Variants in TUSC3 observed in about 807,000 individuals in gnomAD.
TUSC3 encodes the protein dolichyl-diphosphooligosaccharide--protein glycosyltransferase subunit TUSC3.
In TUSC3, 45 loss-of-function variants were observed where a neutral mutation model predicts 44.8. The observed-to-expected ratio is 1.00, with a 90% CI of 0.79 to 1.29. The LOEUF (loss-of-function observed/expected upper bound fraction) is 1.29, where lower values mean the gene tolerates loss of function less well. TUSC3 is among the 50% of genes most tolerant of loss of function. The pLI is 0.00. For missense variants in TUSC3, 519 were observed against 437.9 expected, an observed-to-expected ratio of 1.19 and a Z score of -1.65; for synonymous variants, 212 against 152.9, an observed-to-expected ratio of 1.39 and a Z score of -2.85.
intron 6 of TUSC3, among the ~76,000 whole-genome samples, chr8:15,696,887 G>A (rs1290415476): frequency 2.0e-5 from 3 of 152,126 alleles, no homozygotes; most frequent in Non-Finnish European, 2.9e-5. Context: ...TTCTTTGAAT[G>A]TCTGGTAGAA....
chr8:15,822,513 G>C, the TUSC3 span, among the ~76,000 whole-genome samples: 1 of 152,098 alleles, frequency 6.6e-6, no homozygotes, highest in Non-Finnish European at 1.5e-5. Context: ...GTGAAAATTT[G>C]TATTTCTTGC....
the TUSC3 span, chr8:15,806,576 A>G: frequency 6.8e-7 from 1 of 1,464,884 alleles, no homozygotes; most frequent in Non-Finnish European, 9.5e-7. Context: ...AACATCCCAG[A>G]TACTATCACA....
intron 2 of TUSC3, among the ~76,000 whole-genome samples, chr8:15,629,360 G>T (rs564170455): frequency 6.6e-6 from 1 of 152,108 alleles, no homozygotes; most frequent in Non-Finnish European, 1.5e-5. Flanking sequence ...GGAGAGCTCT[G>T]TAATCCATAT....
At chr8:15,700,905 C>T (rs974671250) in intron 6 of TUSC3, among the ~76,000 whole-genome samples, 15 of 134,690 alleles carry the variant, frequency 1.1e-4, no homozygotes, top group Non-Finnish European at 2.0e-4. Flanking sequence ...CCCACTTCTC[C>T]AGTATCATCC....
intron 1 of TUSC3, among the ~76,000 whole-genome samples, chr8:15,478,020 C>G (rs62501892): frequency 0.44 from 66,181 of 151,864 alleles, 15,044 homozygotes; most frequent in Non-Finnish European, 0.51. Context: ...TGCAGTGGCA[C>G]GATCTTGGCT....
intron 10 of TUSC3, chr8:15,758,326 G>T: frequency 2.4e-6 from 2 of 824,036 alleles, no homozygotes; most frequent in Non-Finnish European, 2.9e-6. Context: ...GCTAAATTCA[G>T]AAACAGATAG....
chr8:15,611,526 T>A (rs1315623839), intron 1 of TUSC3, among the ~76,000 whole-genome samples: 2 of 152,200 alleles, frequency 1.3e-5, no homozygotes, highest in Non-Finnish European at 2.9e-5. Flanking sequence ...TGTTTTCTGA[T>A]GGATTGCTGA....
At chr8:15,510,779 A>C (rs1226095917) in intron 2 of TUSC3, among the ~76,000 whole-genome samples, 1 of 152,040 alleles carries the variant, frequency 6.6e-6, no homozygotes, top group South Asian at 2.1e-4. Context: ...TATTTAAAAA[A>C]AAACAGAAAG....
chr8:15,762,621 A>G (rs1416504953), intron 10 of TUSC3, among the ~76,000 whole-genome samples: 1 of 152,116 alleles, frequency 6.6e-6, no homozygotes, highest in African/African-American at 2.4e-5. Flanking sequence ...GCCTTTAAAC[A>G]CTAAACAACA....
intron 6 of TUSC3, among the ~76,000 whole-genome samples, chr8:15,716,417 G>A (rs969746871): frequency 1.3e-5 from 2 of 151,818 alleles, no homozygotes; most frequent in East Asian, 3.9e-4. Context: ...GTATGATTTT[G>A]GTGTTTGCAA....
chr8:15,508,301 A>T (rs1295124370), intron 2 of TUSC3, among the ~76,000 whole-genome samples: 1 of 152,124 alleles, frequency 6.6e-6, no homozygotes, highest in African/African-American at 2.4e-5. Context: ...ATTATGGGTA[A>T]TAAAAAATTT....
intron 2 of TUSC3, among the ~76,000 whole-genome samples, chr8:15,649,036 A>G (rs1012204684): frequency 2.6e-5 from 4 of 152,150 alleles, no homozygotes; most frequent in African/African-American, 9.7e-5. Context: ...TATATGTGGT[A>G]AAATCTCAGA....
intron 1 of TUSC3, among the ~76,000 whole-genome samples, chr8:15,604,585 A>T (rs1265881888): frequency 6.6e-6 from 1 of 151,834 alleles, no homozygotes; most frequent in African/African-American, 2.4e-5. Context: ...AAAGGGGATT[A>T]ACTTTTGTCA....
At chr8:15,510,610 G>C (rs1022649019) in intron 2 of TUSC3, among the ~76,000 whole-genome samples, 1 of 152,046 alleles carries the variant, frequency 6.6e-6, no homozygotes, top group Non-Finnish European at 1.5e-5. Context: ...TTCCCACACA[G>C]AAAACTCCAG....
intron 1 of TUSC3, among the ~76,000 whole-genome samples, chr8:15,430,272 T>A (rs1339188488): frequency 1.4e-5 from 2 of 147,224 alleles, no homozygotes; most frequent in African/African-American, 5.1e-5. Flanking sequence ...TCAAAAAGCT[T>A]ATCCACCATG....
intron 6 of TUSC3, among the ~76,000 whole-genome samples, chr8:15,714,384 A>C (rs1459200241): frequency 2.0e-5 from 3 of 152,170 alleles, no homozygotes; most frequent in South Asian, 2.1e-4. Flanking sequence ...ATTGAAAAAA[A>C]TGACATCTCA....
chr8:15,574,772 T>C (rs1451547135), intron 1 of TUSC3, among the ~76,000 whole-genome samples: 1 of 152,188 alleles, frequency 6.6e-6, no homozygotes, highest in African/African-American at 2.4e-5. Flanking sequence ...TGAAACATTA[T>C]TTTAAGCTAG....
chr8:15,723,620 T>A (rs1810389529), intron 6 of TUSC3, among the ~76,000 whole-genome samples: 1 of 151,972 alleles, frequency 6.6e-6, no homozygotes, highest in Admixed American at 6.6e-5. Flanking sequence ...TAGTAAGAAC[T>A]AATGCTGCCT....
intron 1 of TUSC3, among the ~76,000 whole-genome samples, chr8:15,583,562 G>A (rs750741394): frequency 1.1e-4 from 17 of 152,150 alleles, no homozygotes; most frequent in Non-Finnish European, 2.2e-4. Context: ...ACTAGATCCC[G>A]TGGATGGTAA....
Sources: gnomAD v4.1 joint callset for allele counts (sites outside exome capture counted in the v4.1 genomes callset) on GRCh38, gnomAD v4.1.1 for gene constraint, MANE v1.5 for transcripts, NCBI Gene and HGNC (gene_info 2026-07-23, HGNC 2026-07-21) for gene names.